The following FMNL2 variants were observed in gnomAD, a reference collection of about 807,000 sequenced individuals.
FMNL2 encodes formin-like protein 2.
In FMNL2, 51 loss-of-function variants were observed where a neutral mutation model predicts 130.2. That is an observed-to-expected ratio of 0.39 (90% CI 0.31 to 0.49). The LOEUF (loss-of-function observed/expected upper bound fraction) is 0.49, where lower values mean the gene tolerates loss of function less well. Ranked by LOEUF, FMNL2 falls within the 20% of genes least tolerant of loss-of-function variation. The probability of loss-of-function intolerance (pLI) is 0.85; values close to 1 mark genes in which losing one functional copy is unlikely to be tolerated. For synonymous variants in FMNL2, 465 were observed against 467.1 expected, an observed-to-expected ratio of 1.00 and a Z score of 0.06; for missense variants, 977 against 1,316.2, an observed-to-expected ratio of 0.74 and a Z score of 3.99.
chr2:152,610,213 A>T (rs921086383), intron 10 of FMNL2, among the ~76,000 whole-genome samples: 1 of 152,232 alleles, frequency 6.6e-6, no homozygotes, highest in African/African-American at 2.4e-5. Context: ...GTTCTTCTTT[A>T]AAAAATGTTC....
chr2:152,516,842 A>G (rs1210237797), intron 1 of FMNL2, among the ~76,000 whole-genome samples: 1 of 152,184 alleles, frequency 6.6e-6, no homozygotes, highest in Non-Finnish European at 1.5e-5. Context: ...TGTATAGGCT[A>G]CCATAGATTC....
chr2:152,393,337 G>A (rs1274933840), intron 1 of FMNL2, among the ~76,000 whole-genome samples: 1 of 152,174 alleles, frequency 6.6e-6, no homozygotes, highest in Non-Finnish European at 1.5e-5. Flanking sequence ...CTATGAAATT[G>A]CTACTGGTTT....
At chr2:152,366,410 C>T (rs12618892) in intron 1 of FMNL2, among the ~76,000 whole-genome samples, 70,065 of 151,198 alleles carry the variant, frequency 0.46, 19,383 homozygotes, top group East Asian at 0.93. Flanking sequence ...GCACGTTGTG[C>T]ACATGAACCC....
rs1400775242 is a variant in FMNL2 at position 152,648,071 on chromosome 2, CTTGT to C, written c.*168_*171del. ...TTTAAAATGAGCTCTCCTTTCAACC[CTTGT>C]TAACAAGTGCCTAAAAATGGAAGTA... is the stretch of plus-strand genomic sequence containing the variant. On this transcript the variant is annotated 3_prime_UTR_variant, in exon 26 of 26. Transcript: ENST00000288670. The C allele has an allele frequency of 3.3e-6, 2 of 602,248 alleles. No homozygotes were observed. Among genetic ancestry groups the C allele is most frequent in the African/African-American group, 3.8e-5 (2 of 52,794 alleles). 37.3% of individuals were successfully genotyped at this position (602,248 alleles called of 1,614,324 possible).
intron 1 of FMNL2, among the ~76,000 whole-genome samples, chr2:152,471,535 C>T (rs1689858634): frequency 6.6e-6 from 1 of 152,170 alleles, no homozygotes. Context: ...AATGAGCTCT[C>T]AGTATAGTCC....
intron 1 of FMNL2, among the ~76,000 whole-genome samples, chr2:152,421,133 C>G (rs1686895105): frequency 6.6e-6 from 1 of 152,130 alleles, no homozygotes; most frequent in Admixed American, 6.6e-5. Flanking sequence ...CAACTCATTT[C>G]CCCTTTAGGC....
At chr2:152,419,443 A>C (rs1433865220) in intron 1 of FMNL2, among the ~76,000 whole-genome samples, 1 of 152,162 alleles carries the variant, frequency 6.6e-6, no homozygotes, top group Non-Finnish European at 1.5e-5. Flanking sequence ...TAAGTGAAGT[A>C]AGCGAAACAC....
At chr2:152,469,504 T>G (rs1156932135) in intron 1 of FMNL2, among the ~76,000 whole-genome samples, 1 of 152,224 alleles carries the variant, frequency 6.6e-6, no homozygotes, top group Non-Finnish European at 1.5e-5. Flanking sequence ...GTCTTCTGAC[T>G]CATGCCATTT....
chr2:152,436,104 A>T (rs1487387670), intron 1 of FMNL2, among the ~76,000 whole-genome samples: 3 of 151,758 alleles, frequency 2.0e-5, no homozygotes, highest in African/African-American at 4.8e-5. Context: ...ACCACGCGGT[A>T]TTGCAATCCC....
intron 1 of FMNL2, among the ~76,000 whole-genome samples, chr2:152,366,301 G>C (rs1683534875): frequency 1.0e-5 from 1 of 96,550 alleles, no homozygotes; most frequent in African/African-American, 3.3e-5. Context: ...GGTGGGGGGA[G>C]GGGGGAGGGA....
At chr2:152,617,296 A>AAGG in intron 13 of FMNL2, 104 bp downstream of exon 13, 1 of 986,648 alleles carries the variant, frequency 1.0e-6, no homozygotes, top group Non-Finnish European at 1.5e-6. Context: ...GAATGCATTG[A>AAGG]TGCAGCATAT....
At chr2:152,489,807 A>T (rs535743572) in intron 1 of FMNL2, among the ~76,000 whole-genome samples, 51 of 152,172 alleles carry the variant, frequency 3.4e-4, no homozygotes, top group Non-Finnish European at 5.0e-4. Flanking sequence ...AGCTGAGGAG[A>T]TAGAGATGAC....
intron 25 of FMNL2, among the ~76,000 whole-genome samples, chr2:152,647,470 CAAAA>C (rs1169842832): frequency 6.6e-6 from 1 of 151,970 alleles, no homozygotes; most frequent in Admixed American, 6.6e-5. Flanking sequence ...AAAAACAAAA[CAAAA>C]AAATTAAGCT....
chr2:152,601,803 G>A (rs1698091569), intron 9 of FMNL2, among the ~76,000 whole-genome samples: 1 of 151,238 alleles, frequency 6.6e-6, no homozygotes, highest in Admixed American at 6.6e-5. Context: ...CCTAATACGT[G>A]GGATTACAGG....
intron 4 of FMNL2, among the ~76,000 whole-genome samples, chr2:152,556,527 G>C (rs1483732813): frequency 6.6e-6 from 1 of 152,182 alleles, no homozygotes; most frequent in Admixed American, 6.5e-5. Flanking sequence ...GAGCCAATGA[G>C]TATTCTTTAT....
chr2:152,354,608 C>A (rs563222845), intron 1 of FMNL2, among the ~76,000 whole-genome samples: 1 of 152,126 alleles, frequency 6.6e-6, no homozygotes, highest in South Asian at 2.1e-4. Flanking sequence ...AGTCCCAAAT[C>A]AAATAAAAAC....
In FMNL2 at chr2:152,348,818, G is replaced by GTTTTTTTT. The variant is rs1244621847; in HGVS notation, c.117+13118_117+13125dup. On this transcript the variant is annotated intron_variant, in intron 1 of 25. Coordinates refer to ENST00000288670, the MANE Select transcript of FMNL2 (RefSeq NM_052905.4). ...CCAATTGTCTTCTGTGCTTCTAAGG[G>GTTTTTTTT]TTTTTTTTTTTTTTTTTTTTTTTTT... Among the ~76,000 whole-genome samples the GTTTTTTTT allele has an allele frequency of 3.2e-4, 23 of 71,834 alleles. 2 individuals are homozygous for GTTTTTTTT. Among genetic ancestry groups the GTTTTTTTT allele is most frequent in the African/African-American group, 8.6e-4 (14 of 16,298 alleles). The allele number at this position is 71,834 out of a possible 152,430, so 47.1% of individuals were successfully genotyped here. A position where few individuals can be genotyped will look rare whatever the true frequency, so the allele number is the denominator to read the frequency against.
At chr2:152,545,363 CT>C (rs1694564839) in intron 3 of FMNL2, among the ~76,000 whole-genome samples, 1 of 152,114 alleles carries the variant, frequency 6.6e-6, no homozygotes, top group South Asian at 2.1e-4. Context: ...TCCTCGAATA[CT>C]TGATTCGTTA....
chr2:152,430,708 A>G (rs973638012), intron 1 of FMNL2, among the ~76,000 whole-genome samples: 1 of 152,132 alleles, frequency 6.6e-6, no homozygotes, highest in Non-Finnish European at 1.5e-5. Context: ...CCTCGTCTCT[A>G]CTGAAATACA....
Sources: gnomAD v4.1 joint callset for allele counts (sites outside exome capture counted in the v4.1 genomes callset) on GRCh38, gnomAD v4.1.1 for gene constraint, MANE v1.5 for transcripts, NCBI Gene and HGNC (gene_info 2026-07-23, HGNC 2026-07-21) for gene names.